The following NOL10 variants were observed in gnomAD, a reference collection of about 807,000 sequenced individuals.
NOL10 encodes the protein nucleolar protein 10, also known as H_NH0074G24.1.
In NOL10, 58 loss-of-function variants were observed where a neutral mutation model predicts 103.5. The observed-to-expected ratio is 0.56, with a 90% CI of 0.45 to 0.70. NOL10 has a LOEUF of 0.70. Ranked by LOEUF, NOL10 falls within the 30% of genes least tolerant of loss-of-function variation. The pLI, the probability that NOL10 is intolerant of heterozygous loss-of-function variation, is 0.00. For synonymous variants in NOL10, 287 were observed against 282.5 expected (o/e 1.02, Z -0.16); for missense variants, 763 against 807.3 (o/e 0.95, Z 0.67).
chr2:10,625,163 A>G (rs1677380869), intron 13 of NOL10, among the ~76,000 whole-genome samples: 1 of 152,308 alleles, frequency 6.6e-6, no homozygotes, highest in Admixed American at 6.5e-5. Flanking sequence ...CTTTTAGGGT[A>G]GGGAGACTAT....
chr2:10,640,149 C>G lies in NOL10; in HGVS notation c.1026+4171G>C, dbSNP rs1474597573. On this transcript the variant is annotated intron_variant, in intron 13 of 20. Coordinates refer to ENST00000381685, the MANE Select transcript of NOL10 (RefSeq NM_024894.4). ...TAATACAAATCACAGTCCAGGCTTCCTAAACTTGGCATGGATCATACATTA... is the reference window on the plus strand; with the variant it reads ...TAATACAAATCACAGTCCAGGCTTCGTAAACTTGGCATGGATCATACATTA... 2.0e-5 allele frequency among the ~76,000 whole-genome samples: 3 copies of G among 152,180 alleles called. No individual in the cohort carries two copies. The East Asian group carries it at 5.8e-4, about 29-fold the overall frequency.
intron 6 of NOL10, among the ~76,000 whole-genome samples, chr2:10,669,964 A>T (rs1052283049): frequency 1.3e-5 from 2 of 151,896 alleles, no homozygotes; most frequent in African/African-American, 4.8e-5. Context: ...TGTAATCCCA[A>T]CATTTTGTGA....
At chr2:10,600,478 TA>T (rs1675915718) in intron 17 of NOL10, among the ~76,000 whole-genome samples, 1 of 152,236 alleles carries the variant, frequency 6.6e-6, no homozygotes, top group Non-Finnish European at 1.5e-5. Context: ...ACAGAATATG[TA>T]GCCATTAAAA....
chr2:10,587,276 T>TATATATA (rs377101242), intron 19 of NOL10, among the ~76,000 whole-genome samples: 1 of 52,728 alleles, frequency 1.9e-5, no homozygotes, highest in South Asian at 4.1e-4. Flanking sequence ...TATATATATA[T>TATATATA]TTTTTTTTTT....
At chr2:10,654,820 C>T (rs1679718386) in intron 11 of NOL10, among the ~76,000 whole-genome samples, 1 of 152,026 alleles carries the variant, frequency 6.6e-6, no homozygotes, top group South Asian at 2.1e-4. Flanking sequence ...ATAATGTCAA[C>T]ATGGCAAGAA....
chr2:10,582,622 A>T (rs1674820368), intron 19 of NOL10, among the ~76,000 whole-genome samples: 1 of 152,152 alleles, frequency 6.6e-6, no homozygotes, highest in African/African-American at 2.4e-5. Flanking sequence ...TCTAACCAGA[A>T]TGATGTCCCC....
intron 6 of NOL10, among the ~76,000 whole-genome samples, chr2:10,671,016 C>G (rs1680898476): frequency 6.6e-6 from 1 of 152,140 alleles, no homozygotes; most frequent in Non-Finnish European, 1.5e-5. Flanking sequence ...TTAAATCAAA[C>G]TATCAAATTA....
intron 2 of NOL10, among the ~76,000 whole-genome samples, chr2:10,682,491 C>A (rs947383764): frequency 6.6e-6 from 1 of 151,392 alleles, no homozygotes; most frequent in Non-Finnish European, 1.5e-5. Context: ...CCTCAACCTC[C>A]CGGGCTGAAG....
chr2:10,601,071 A>T lies in NOL10; in HGVS notation c.1333-129T>A, dbSNP rs536444382. 1.2e-3 allele frequency: 654 copies of T among 527,410 alleles called. 3 individuals carry two copies. The highest frequency in any genetic ancestry group is 0.012 in the African/African-American group (583 of 49,956). 32.7% of individuals were successfully genotyped at this position (527,410 alleles called of 1,614,324 possible). On this transcript the variant is annotated intron_variant, in intron 16 of 20. Coordinates refer to ENST00000381685, the MANE Select transcript of NOL10 (RefSeq NM_024894.4). ...GGAGATAACTAATTCTTATTTTATT[A>T]TTTTTTTTTTGAGATGGAGTCTCGC...
chr2:10,576,035 A>G (rs1674433850), intron 20 of NOL10, among the ~76,000 whole-genome samples: 2 of 152,148 alleles, frequency 1.3e-5, no homozygotes, highest in African/African-American at 4.8e-5. Context: ...CGTTGGGAAA[A>G]TTTTAGAGAA....
chr2:10,587,266 TATA>T (rs1675153431), intron 19 of NOL10, among the ~76,000 whole-genome samples: 2 of 39,224 alleles, frequency 5.1e-5, no homozygotes, highest in African/African-American at 1.0e-4. Flanking sequence ...TACACATATA[TATA>T]TATATATTTT....
chr2:10,572,134 T>C lies in NOL10; in HGVS notation c.2004A>G (p.Lys668=). 1.2e-6 allele frequency: 2 copies of C among 1,613,968 alleles called. No individual in the cohort carries two copies. The highest frequency in any genetic ancestry group is 1.7e-6 in the Non-Finnish European group (2 of 1,179,874). ...EAEKLHRQER[K]RLRRSAGHLK... Reference sequence around the variant, plus strand: ...GGTGTCCGGCCGAACGACGGAGTCTTTTCCTTTCTTGTCGATGCAGTTTCT... The same window carrying C: ...GGTGTCCGGCCGAACGACGGAGTCTCTTCCTTTCTTGTCGATGCAGTTTCT... The change falls in exon 21 of 21, where the codon AAA becomes AAG. Residue 668 remains lysine (K), a synonymous_variant. Transcript: ENST00000381685.
intron 17 of NOL10, among the ~76,000 whole-genome samples, chr2:10,600,576 T>C (rs958000193): frequency 6.8e-6 from 1 of 147,940 alleles, no homozygotes; most frequent in Non-Finnish European, 1.5e-5. Context: ...TACAAGACTC[T>C]TGCTATTGTA....
chr2:10,571,900 G>T lies in NOL10; in HGVS notation c.*171C>A. On this transcript the variant is annotated 3_prime_UTR_variant, in exon 21 of 21. Coordinates refer to ENST00000381685, the MANE Select transcript of NOL10 (RefSeq NM_024894.4). Reference sequence around the variant, plus strand: ...TGTGCGGTGGCCGTCGGCGGGGCCAGCTTCAAAGTCCAACCCACAAGGCAC... The same window carrying T: ...TGTGCGGTGGCCGTCGGCGGGGCCATCTTCAAAGTCCAACCCACAAGGCAC... 2.7e-6 allele frequency: 2 copies of T among 739,150 alleles called. No homozygotes were observed. The highest frequency in any genetic ancestry group is 4.2e-6 in the Non-Finnish European group (2 of 471,512). The allele number at this position is 739,150 out of a possible 1,614,324, so 45.8% of individuals were successfully genotyped here. A position where few individuals can be genotyped will look rare whatever the true frequency, so the allele number is the denominator to read the frequency against.
At chr2:10,673,080 T>C (rs1336830789) in intron 5 of NOL10, among the ~76,000 whole-genome samples, 5 of 152,166 alleles carry the variant, frequency 3.3e-5, no homozygotes, top group African/African-American at 9.7e-5. Context: ...TTTCAGAATA[T>C]ACCACAACCA....
chr2:10,631,592 A>G (rs62127196), intron 13 of NOL10, among the ~76,000 whole-genome samples: 29,381 of 152,180 alleles, frequency 0.19, 3,585 homozygotes, highest in East Asian at 0.43. Context: ...TCCCAAACAC[A>G]ACGATTGCAT....
rs944780537 is a variant in NOL10 at position 10,671,631 on chromosome 2, G to A, written c.387C>T (p.Tyr129=). Residue 129 remains tyrosine (Y), a synonymous_variant, in exon 6 of 21, where the codon TAC becomes TAT. Coordinates refer to ENST00000381685, the MANE Select transcript of NOL10 (RefSeq NM_024894.4). ...TCCCAAACTTTGGTATTCTGGTTTTGTAGTAAAAACCTGATTGCGAATGAA... is the reference window on the plus strand; with the variant it reads ...TCCCAAACTTTGGTATTCTGGTTTTATAGTAAAAACCTGATTGCGAATGAA... ...IEFHSQSGFY[Y]KTRIPKFGRD... is the part of the protein sequence containing the mutation. The A allele has an allele frequency of 6.3e-7, 1 of 1,591,168 alleles. No homozygotes were observed. Among genetic ancestry groups the A allele is most frequent in the Non-Finnish European group, 8.6e-7 (1 of 1,166,878 alleles).
chr2:10,612,058 G>A (rs900520663), intron 13 of NOL10, among the ~76,000 whole-genome samples: 1 of 152,178 alleles, frequency 6.6e-6, no homozygotes, highest in African/African-American at 2.4e-5. Flanking sequence ...AGGATTTGGA[G>A]GCTGCAGTGA....
Sources: gnomAD v4.1 joint callset for allele counts (sites outside exome capture counted in the v4.1 genomes callset) on GRCh38, gnomAD v4.1.1 for gene constraint, MANE v1.5 for transcripts, NCBI Gene and HGNC (gene_info 2026-07-23, HGNC 2026-07-21) for gene names.